DACH1: variants seen among roughly 807,000 people sequenced by gnomAD.
The protein encoded by DACH1 is dachshund homolog 1.
DACH1 carries 12 observed loss-of-function variants against 54.2 expected under a neutral mutation model. The ratio of observed to expected loss-of-function variants is 0.22; its 90% CI spans 0.14 to 0.36. The LOEUF is 0.36. Among genes scored for constraint, DACH1 ranks in the 10% least tolerant of loss-of-function variants. The pLI, the probability that DACH1 is intolerant of heterozygous loss-of-function variation, is 1.00. For missense variants in DACH1, 805 were observed against 929.8 expected, an observed-to-expected ratio of 0.87 and a Z score of 1.75; for synonymous variants, 386 against 366.2, an observed-to-expected ratio of 1.05 and a Z score of -0.62.
intron 2 of DACH1, among the ~76,000 whole-genome samples, chr13:71,656,815 T>C (rs1479788520): frequency 2.7e-5 from 4 of 147,474 alleles, no homozygotes; most frequent in African/African-American, 7.4e-5. Context: ...TATAGATAGA[T>C]AGACAGATAG....
chr13:71,545,104 A>G (rs1310578888), intron 6 of DACH1, among the ~76,000 whole-genome samples: 2 of 152,080 alleles, frequency 1.3e-5, no homozygotes, highest in African/African-American at 2.4e-5. Flanking sequence ...TAATTTTTAT[A>G]AAAACAAACT....
chr13:71,775,488 G>A (rs1886030139), intron 1 of DACH1, among the ~76,000 whole-genome samples: 1 of 151,942 alleles, frequency 6.6e-6, no homozygotes, highest in Non-Finnish European at 1.5e-5. Flanking sequence ...TAATATCTTT[G>A]TATTGGTTTT....
At chr13:71,558,998 T>C (rs1419044865) in intron 5 of DACH1, among the ~76,000 whole-genome samples, 3 of 152,066 alleles carry the variant, frequency 2.0e-5, no homozygotes, top group African/African-American at 4.8e-5. Context: ...CATAATTGCA[T>C]AAAATAATAG....
At chr13:71,498,051 A>T (rs543497789) in intron 6 of DACH1, among the ~76,000 whole-genome samples, 1 of 152,312 alleles carries the variant, frequency 6.6e-6, no homozygotes, top group South Asian at 2.1e-4. Context: ...TAAAAGAAAA[A>T]AAAATATATG....
At chr13:71,714,111 T>C (rs1290767275) in intron 1 of DACH1, among the ~76,000 whole-genome samples, 1 of 152,072 alleles carries the variant, frequency 6.6e-6, no homozygotes, top group Non-Finnish European at 1.5e-5. Flanking sequence ...GATGCTCAGC[T>C]ATATCATATC....
chr13:71,462,883 C>A (rs1876207862), intron 10 of DACH1, among the ~76,000 whole-genome samples: 1 of 34,294 alleles, frequency 2.9e-5, no homozygotes, highest in Admixed American at 4.0e-4. Flanking sequence ...CACACACACA[C>A]ACACACACAC....
intron 10 of DACH1, among the ~76,000 whole-genome samples, chr13:71,444,046 T>A (rs1242000555): frequency 6.6e-6 from 1 of 152,136 alleles, no homozygotes; most frequent in Admixed American, 6.5e-5. Flanking sequence ...ATATAATTAT[T>A]TGTGGTTTCA....
chr13:71,675,021 T>G, intron 2 of DACH1: 2 of 583,356 alleles, frequency 3.4e-6, no homozygotes, highest in South Asian at 3.5e-5. Context: ...CTCGCCGAGC[T>G]CCAGCCGAAG....
chr13:71,860,221 TACAC>T (rs141566720), intron 1 of DACH1, among the ~76,000 whole-genome samples: 1 of 148,832 alleles, frequency 6.7e-6, no homozygotes, highest in Non-Finnish European at 1.5e-5. Flanking sequence ...CATACGTATG[TACAC>T]ACACACACAC....
chr13:71,838,678 C>G lies in DACH1; in HGVS notation c.848+27244G>C, dbSNP rs139722073. Among the ~76,000 whole-genome samples, 608 of 152,240 alleles carry G rather than the reference C, an allele frequency of 4.0e-3. 5 individuals carry two copies. Among genetic ancestry groups the G allele is most frequent in the African/African-American group, 0.014 (585 of 41,548 alleles). Reference sequence around the variant, plus strand: ...GTTTGTTAGTTGAGAATGACTTGCACCGGATCATGACCTCTCACTTTCTCA... The same window carrying G: ...GTTTGTTAGTTGAGAATGACTTGCAGCGGATCATGACCTCTCACTTTCTCA... On this transcript the variant is annotated intron_variant, in intron 1 of 10. Coordinates refer to ENST00000613252, the MANE Select transcript of DACH1 (RefSeq NM_080759.6).
chr13:71,706,244 ATAT>A (rs1292664098), intron 1 of DACH1, among the ~76,000 whole-genome samples: 4 of 151,564 alleles, frequency 2.6e-5, no homozygotes, highest in Non-Finnish European at 4.4e-5. Flanking sequence ...GGATAAAAAC[ATAT>A]TATTAATTAT....
At chr13:71,490,934 T>C (rs2138207372) in intron 6 of DACH1, among the ~76,000 whole-genome samples, 1 of 152,314 alleles carries the variant, frequency 6.6e-6, no homozygotes, top group African/African-American at 2.4e-5. Context: ...TAGAACCAGA[T>C]GACCACCTGA....
chr13:71,754,868 G>A (rs1422155961), intron 1 of DACH1, among the ~76,000 whole-genome samples: 1 of 152,242 alleles, frequency 6.6e-6, no homozygotes, highest in East Asian at 1.9e-4. Context: ...AGGCAAGTAT[G>A]TTATGAATTG....
intron 3 of DACH1, among the ~76,000 whole-genome samples, chr13:71,610,938 G>C (rs558299128): frequency 1.3e-5 from 2 of 152,122 alleles, no homozygotes; most frequent in South Asian, 4.1e-4. Flanking sequence ...ACCTAAAATA[G>C]GAGAGCAATC....
rs193167960 is a variant in DACH1 at position 71,796,666 on chromosome 13, C to A, written c.848+69256G>T. ...AATTATAAGGCCTATGATAGGAAAT[C>A]ACATAAAGAAAATCTCATAAAGAAG... is the stretch of plus-strand genomic sequence containing the variant. On this transcript the variant is annotated intron_variant, in intron 1 of 10. Coordinates refer to ENST00000613252, the MANE Select transcript of DACH1 (RefSeq NM_080759.6). Among the ~76,000 whole-genome samples, 409 of 152,076 alleles carry A rather than the reference C, an allele frequency of 2.7e-3. 1 individual carries two copies. Among genetic ancestry groups the A allele is most frequent in the African/African-American group, 9.1e-3 (379 of 41,508 alleles).
In DACH1 at chr13:71,757,884, T is replaced by A. The variant is rs556924962; in HGVS notation, c.849-75974A>T. Among the ~76,000 whole-genome samples, 9 of 152,306 alleles carry A rather than the reference T, an allele frequency of 5.9e-5. No homozygotes were observed. In the South Asian group the frequency reaches 1.9e-3, roughly 32 times the overall value. On this transcript the variant is annotated intron_variant, in intron 1 of 10. Transcript: ENST00000613252. ...TAATCACAATGGCATTTCTGTATTA[T>A]CATGCTTTTCAGGGTTGAATCACTG... is the stretch of plus-strand genomic sequence containing the variant.
At chr13:71,631,212 T>C (rs1159275052) in intron 2 of DACH1, among the ~76,000 whole-genome samples, 2 of 152,142 alleles carry the variant, frequency 1.3e-5, no homozygotes, top group African/African-American at 2.4e-5. Context: ...AGCATGTGCT[T>C]TCACACATGC....
intron 4 of DACH1, among the ~76,000 whole-genome samples, chr13:71,569,697 G>A (rs1885089898): frequency 6.6e-6 from 1 of 152,070 alleles, no homozygotes; most frequent in Non-Finnish European, 1.5e-5. Flanking sequence ...TCTGAAAGCT[G>A]TATTTTTGCT....
intron 10 of DACH1, among the ~76,000 whole-genome samples, chr13:71,474,012 T>C (rs952944182): frequency 5.3e-5 from 8 of 152,208 alleles, no homozygotes; most frequent in African/African-American, 1.2e-4. Flanking sequence ...CTGAAATCCA[T>C]AGTACTCTAA....
Sources: gnomAD v4.1 joint callset for allele counts (sites outside exome capture counted in the v4.1 genomes callset) on GRCh38, gnomAD v4.1.1 for gene constraint, MANE v1.5 for transcripts, NCBI Gene and HGNC (gene_info 2026-07-23, HGNC 2026-07-21) for gene names.